Variants in NEK10 observed in about 807,000 individuals in gnomAD.
NEK10 encodes NIMA related kinase 10.
Under a neutral mutation model 159.8 loss-of-function variants are expected in NEK10, and 122 were observed. The ratio of observed to expected loss-of-function variants is 0.76; its 90% CI spans 0.66 to 0.89. NEK10 has a LOEUF of 0.89. Ranked by LOEUF, NEK10 falls within the 40% of genes least tolerant of loss-of-function variation. NEK10 has a pLI of 0.00. For missense variants in NEK10, 1,342 were observed against 1,323.1 expected, an observed-to-expected ratio of 1.01 and a Z score of -0.22; for synonymous variants, 466 against 457.1, an observed-to-expected ratio of 1.02 and a Z score of -0.25.
chr3:27,286,732 C>T (rs919361656), intron 20 of NEK10, among the ~76,000 whole-genome samples: 1 of 151,898 alleles, frequency 6.6e-6, no homozygotes, highest in Non-Finnish European at 1.5e-5. Flanking sequence ...TAGTAAAAAA[C>T]GTTTTTGTTT....
rs566099055 is a variant in NEK10 at position 27,109,048 on chromosome 3, C to T, written c.*2224G>A. Among the ~76,000 whole-genome samples the T allele has an allele frequency of 4.6e-5, 7 of 152,316 alleles. No homozygotes were observed. The South Asian group carries it at 1.4e-3, about 32-fold the overall frequency. ...CTGCTTACTTAACTTTCACTGACTTCTAGCATAATAAATGCCCATTCCTAT... is the reference window on the plus strand; with the variant it reads ...CTGCTTACTTAACTTTCACTGACTTTTAGCATAATAAATGCCCATTCCTAT... On this transcript the variant is annotated 3_prime_UTR_variant, in exon 36 of 36. Transcript: ENST00000691995.
At chr3:27,263,827 C>T (rs1442624773) in intron 22 of NEK10, among the ~76,000 whole-genome samples, 2 of 152,164 alleles carry the variant, frequency 1.3e-5, no homozygotes, top group Non-Finnish European at 2.9e-5. Context: ...CACTGTCCTG[C>T]ACCCACTTTC....
Position 27,365,432 on chromosome 3 carries a change from T to G in NEK10, c.-38+3793A>C, listed in dbSNP as rs2048984211. On this transcript the variant is annotated intron_variant, in intron 1 of 35. Transcript: ENST00000691995. ...TAAGATTTAATAAGCTTTGAATTGATGCCAACTGTATGGACTTAAGTCCAT... is the reference window on the plus strand; with the variant it reads ...TAAGATTTAATAAGCTTTGAATTGAGGCCAACTGTATGGACTTAAGTCCAT... 1.3e-5 allele frequency among the ~76,000 whole-genome samples: 2 copies of G among 152,162 alleles called. 1 individual carries two copies. Among genetic ancestry groups the G allele is most frequent in the South Asian group, 4.1e-4 (2 of 4,830 alleles).
intron 5 of NEK10, among the ~76,000 whole-genome samples, chr3:27,327,071 C>T (rs889000452): frequency 1.3e-5 from 2 of 152,170 alleles, no homozygotes; most frequent in African/African-American, 4.8e-5. Context: ...TTTACTGACT[C>T]AGCAATTGTG....
intron 5 of NEK10, among the ~76,000 whole-genome samples, chr3:27,327,076 A>G (rs571750032): frequency 2.6e-5 from 4 of 152,170 alleles, no homozygotes; most frequent in African/African-American, 4.8e-5. Context: ...TGACTCAGCA[A>G]TTGTGGCCTG....
intron 26 of NEK10, 68 bp from the exon 27 acceptor site, chr3:27,174,901 G>A: frequency 7.7e-7 from 1 of 1,306,062 alleles, no homozygotes; most frequent in Non-Finnish European, 1.1e-6. Flanking sequence ...CCTAAATCTT[G>A]TTAGAACATA....
At chr3:27,170,346 A>T (rs1476273012) in intron 29 of NEK10, among the ~76,000 whole-genome samples, 4 of 152,162 alleles carry the variant, frequency 2.6e-5, no homozygotes, top group Admixed American at 2.6e-4. Context: ...CCCAGTTCTC[A>T]TCTCAACATT....
In NEK10 at chr3:27,111,236, AC is replaced by A; in HGVS notation, c.*35del. ...GGCTGAAGTCCAGAACTTGAACTTC[AC>A]TGAGAAAATCAAGTCCACTCAAAAT... On this transcript the variant is annotated 3_prime_UTR_variant, in exon 36 of 36. Coordinates refer to ENST00000691995, the MANE Select transcript of NEK10 (RefSeq NM_001394966.1). The A allele has an allele frequency of 6.3e-7, 1 of 1,597,186 alleles. No individual in the cohort carries two copies. Among genetic ancestry groups the A allele is most frequent in the Non-Finnish European group, 8.6e-7 (1 of 1,166,530 alleles).
chr3:27,356,892 C>T (rs2048357560), intron 1 of NEK10, among the ~76,000 whole-genome samples: 1 of 152,162 alleles, frequency 6.6e-6, no homozygotes. Context: ...CTGTTTCATC[C>T]ACAAATATGT....
At chr3:27,203,754 AC>A (rs1950245849) in intron 23 of NEK10, among the ~76,000 whole-genome samples, 1 of 142,102 alleles carries the variant, frequency 7.0e-6, no homozygotes, top group Admixed American at 7.4e-5. Flanking sequence ...ATCAGTATTG[AC>A]TTAAAAATAA....
At chr3:27,214,750 A>C in intron 23 of NEK10, 1 of 759,242 alleles carries the variant, frequency 1.3e-6, no homozygotes, top group Non-Finnish European at 2.4e-6. Context: ...GAATAAACAT[A>C]ATTTCTCTTG....
chr3:27,367,831 T>G (rs1036345742), intron 1 of NEK10, among the ~76,000 whole-genome samples: 5 of 152,094 alleles, frequency 3.3e-5, no homozygotes, highest in Non-Finnish European at 5.9e-5. Context: ...TTCCAGGCAG[T>G]GTGAGCAACA....
In NEK10 at chr3:27,202,549, A is replaced by G. The variant is rs765501517; in HGVS notation, c.2099T>C (p.Val700Ala). The G allele has an allele frequency of 6.2e-7, 1 of 1,604,676 alleles. No individual in the cohort carries two copies. Among genetic ancestry groups the G allele is most frequent in the South Asian group, 1.1e-5 (1 of 89,418 alleles). The change falls in exon 24 of 36, where the codon GTA becomes GCA. Residue 700 changes from valine (V) to alanine (A), a missense_variant. Val to Ala is a moderately conservative substitution (Grantham distance 64, BLOSUM62 0). Transcript: ENST00000691995. The stretch of plus-strand genomic sequence containing the variant: ...CTCCCCATACGGCTCACTCTTCAGT[A>G]CCTCGGGGCTGAAGTAAAATAAGGA... Reference protein sequence around the residue: ...VGTILYSCPEVLKSEPYGEKA... With the variant: ...VGTILYSCPEALKSEPYGEKA...
intron 26 of NEK10, among the ~76,000 whole-genome samples, chr3:27,179,107 T>C (rs1226745409): frequency 6.6e-6 from 1 of 152,180 alleles, no homozygotes; most frequent in Admixed American, 6.5e-5. Flanking sequence ...TCTATTTTCA[T>C]CAGGGAATCT....
intron 30 of NEK10, among the ~76,000 whole-genome samples, chr3:27,155,312 G>C (rs1399411406): frequency 1.3e-5 from 2 of 151,932 alleles, no homozygotes; most frequent in African/African-American, 4.8e-5. Flanking sequence ...GACCATCCTG[G>C]CCAACATGGT....
chr3:27,280,506 G>A (rs1021574432), intron 22 of NEK10, among the ~76,000 whole-genome samples: 2 of 152,128 alleles, frequency 1.3e-5, no homozygotes, highest in African/African-American at 4.8e-5. Context: ...AGAATTCGAC[G>A]AAAATTTATA....
chr3:27,301,835 T>C lies in NEK10; in HGVS notation c.1029A>G (p.Gly343=). ...GIKQLLHILQ[G]DRNFVSDHSS... ...AGTGATCAGAAACAAAATTTCTGTC[T>C]CTGAAAAAGAAAAGTTAATGCATAG... Residue 343 remains glycine, a splice_region_variant and synonymous_variant, in exon 13 of 36, where the codon GGA becomes GGG. Transcript: ENST00000691995. 1 of 1,550,636 alleles carries C rather than the reference T, an allele frequency of 6.4e-7. No homozygotes were observed. The highest frequency in any genetic ancestry group is 8.7e-7 in the Non-Finnish European group (1 of 1,145,998).
intron 26 of NEK10, among the ~76,000 whole-genome samples, chr3:27,187,298 A>T (rs1948708490): frequency 6.6e-6 from 1 of 152,172 alleles, no homozygotes. Context: ...GGACACGGAG[A>T]AGAGAACCCT....
At chr3:27,237,498 C>T (rs1954066076) in intron 23 of NEK10, among the ~76,000 whole-genome samples, 2 of 152,160 alleles carry the variant, frequency 1.3e-5, no homozygotes, top group African/African-American at 4.8e-5. Flanking sequence ...GAAATCTTCA[C>T]AATTTATGTT....
Sources: allele counts gnomAD v4.1 joint callset (sites outside exome capture counted in the v4.1 genomes callset), GRCh38; gene constraint gnomAD v4.1.1; transcripts MANE v1.5; gene names NCBI Gene and HGNC (gene_info 2026-07-23, HGNC 2026-07-21).